DCC: variants seen among roughly 807,000 people sequenced by gnomAD.
DCC encodes the protein DCC netrin 1 receptor, also known as netrin receptor DCC.
Under a neutral mutation model 172.5 loss-of-function variants are expected in DCC, and 58 were observed. The observed-to-expected ratio is 0.34, with a 90% CI of 0.27 to 0.42. DCC has a LOEUF of 0.42. Ranked by LOEUF, DCC falls within the 10% of genes least tolerant of loss-of-function variation. The probability of loss-of-function intolerance (pLI) is 1.00; values close to 1 mark genes in which losing one functional copy is unlikely to be tolerated. For missense variants in DCC, 1,740 were observed against 1,791.0 expected (o/e 0.97, Z 0.51); for synonymous variants, 709 against 644.5 (o/e 1.10, Z -1.52).
rs2046546297 is a variant in DCC, at chr18:53,533,716, A to G, written c.*3063A>G. 1 of 152,234 alleles carries G rather than the reference A, an allele frequency of 6.6e-6. No individual in the cohort carries two copies. The highest frequency in any genetic ancestry group is 1.5e-5 in the Non-Finnish European group (1 of 68,048). 9.4% of individuals were successfully genotyped at this position (152,234 alleles called of 1,614,324 possible). ...GAGATATAAGCTTCTAGAATATTTA[A>G]ATAATGAAGTTTTACATTTGGGTAT... On this transcript the variant is annotated 3_prime_UTR_variant, in exon 29 of 29. Transcript: ENST00000442544.
chr18:53,393,028 G>C (rs1908668215), intron 17 of DCC, among the ~76,000 whole-genome samples: 10 of 152,124 alleles, frequency 6.6e-5, no homozygotes, highest in Admixed American at 6.5e-4. Context: ...CCGCTTGATT[G>C]GGGTAGCTCT....
In DCC at chr18:52,999,199, CA is replaced by C. The variant is rs200909374; in HGVS notation, c.986-64105del. On this transcript the variant is annotated intron_variant, in intron 5 of 28. Transcript: ENST00000442544. ...TTTGTTTTTTCTTCTGGGGCAACAA[CA>C]TTTTTTTTTTGTATTTTTATCTTTG... is the stretch of plus-strand genomic sequence containing the variant. Among the ~76,000 whole-genome samples the C allele has an allele frequency of 3.0e-4, 45 of 151,496 alleles. No homozygotes were observed. The East Asian group carries it at 6.2e-3, about 21-fold the overall frequency.
intron 1 of DCC, among the ~76,000 whole-genome samples, chr18:52,483,116 T>A (rs545209437): frequency 6.6e-6 from 1 of 152,092 alleles, no homozygotes; most frequent in Non-Finnish European, 1.5e-5. Flanking sequence ...TCCCTCTTCA[T>A]ATGGCCTTCT....
intron 5 of DCC, among the ~76,000 whole-genome samples, chr18:53,052,205 C>T (rs2042343372): frequency 6.6e-6 from 1 of 151,992 alleles, no homozygotes. Flanking sequence ...CACTAACTCC[C>T]TTTTCATTTA....
chr18:52,927,908 T>C (rs934572593), intron 5 of DCC, among the ~76,000 whole-genome samples: 1 of 152,090 alleles, frequency 6.6e-6, no homozygotes, highest in Non-Finnish European at 1.5e-5. Context: ...AACAATCCTG[T>C]TATTAGGTAT....
intron 1 of DCC, among the ~76,000 whole-genome samples, chr18:52,399,975 C>G (rs1598786034): frequency 2.0e-5 from 3 of 151,880 alleles, no homozygotes; most frequent in Admixed American, 2.0e-4. Flanking sequence ...TAGTGACTAC[C>G]TCTTAGAAAA....
rs189739599 is a variant in DCC, at chr18:53,233,329, C to A, written c.1911+17732C>A. Among the ~76,000 whole-genome samples, 628 of 152,230 alleles carry A rather than the reference C, an allele frequency of 4.1e-3. 9 individuals carry two copies. The highest frequency in any genetic ancestry group is 7.1e-3 in the Non-Finnish European group (484 of 68,010). The stretch of plus-strand genomic sequence containing the variant: ...AATAATTCAAATATTCTGCTTTACC[C>A]CAAAATACACATTTTTTTGCCTATA... On this transcript the variant is annotated intron_variant, in intron 12 of 28. Transcript: ENST00000442544.
intron 22 of DCC, among the ~76,000 whole-genome samples, chr18:53,446,061 A>G (rs1026670730): frequency 7.1e-5 from 10 of 140,700 alleles, no homozygotes; most frequent in African/African-American, 2.6e-4. Context: ...CAGGAGTTTG[A>G]GACCAGCCTG....
intron 1 of DCC, among the ~76,000 whole-genome samples, chr18:52,567,154 A>G (rs2033178971): frequency 6.6e-6 from 1 of 152,194 alleles, no homozygotes; most frequent in Admixed American, 6.5e-5. Context: ...GCTCAACTTA[A>G]CATTCCTTGA....
At chr18:52,686,175 C>A (rs957455605) in intron 1 of DCC, among the ~76,000 whole-genome samples, 1 of 152,130 alleles carries the variant, frequency 6.6e-6, no homozygotes, top group Non-Finnish European at 1.5e-5. Context: ...GATGGCAGTG[C>A]ATGCTGATCT....
At chr18:53,092,955 T>C (rs928878557) in intron 7 of DCC, among the ~76,000 whole-genome samples, 1 of 143,278 alleles carries the variant, frequency 7.0e-6, no homozygotes, top group African/African-American at 2.7e-5. Context: ...CTATCTCTGA[T>C]ATGAACAACT....
chr18:53,309,962 G>GAGTATA (rs1555650607), intron 13 of DCC, among the ~76,000 whole-genome samples: 1 of 133,308 alleles, frequency 7.5e-6, no homozygotes, highest in African/African-American at 2.9e-5. Flanking sequence ...ATATACGTGT[G>GAGTATA]TGTATATATA....
In DCC at chr18:53,446,400, C is replaced by T. The variant is rs202090925; in HGVS notation, c.3230-4100C>T. 3.3e-5 allele frequency among the ~76,000 whole-genome samples: 5 copies of T among 152,248 alleles called. No individual in the cohort carries two copies. The East Asian group carries it at 9.7e-4, about 29-fold the overall frequency. ...ATTATCTCATGAAATCATCACAGTG[C>T]CCTATAGGATATTTGCAAGTCTTTG... is the stretch of plus-strand genomic sequence containing the variant. On this transcript the variant is annotated intron_variant, in intron 22 of 28. Transcript: ENST00000442544.
chr18:52,429,455 AT>A (rs144767641), intron 1 of DCC, among the ~76,000 whole-genome samples: 161 of 152,272 alleles, frequency 1.1e-3, no homozygotes, highest in African/African-American at 3.7e-3. Flanking sequence ...TGTTAGAGTG[AT>A]AAGAGCATAT....
intron 2 of DCC, among the ~76,000 whole-genome samples, chr18:52,847,546 T>A (rs532189496): frequency 6.6e-6 from 1 of 152,356 alleles, no homozygotes; most frequent in Admixed American, 6.5e-5. Context: ...AAACTTTGCA[T>A]CTGCTAGCCA....
At chr18:52,813,545 A>G (rs1598829374) in intron 2 of DCC, among the ~76,000 whole-genome samples, 1 of 152,196 alleles carries the variant, frequency 6.6e-6, no homozygotes, top group Non-Finnish European at 1.5e-5. Context: ...GAAACTTAAA[A>G]GTTATATGTC....
intron 11 of DCC, among the ~76,000 whole-genome samples, chr18:53,208,123 T>TA (rs2055684415): frequency 2.0e-5 from 3 of 149,386 alleles, no homozygotes; most frequent in South Asian, 2.1e-4. Context: ...TTTTTTTTTT[T>TA]AATTAACTGG....
At chr18:52,878,885 G>T (rs1319821069) in intron 2 of DCC, among the ~76,000 whole-genome samples, 1 of 152,172 alleles carries the variant, frequency 6.6e-6, no homozygotes, top group African/African-American at 2.4e-5. Flanking sequence ...GAATAATTTT[G>T]AAGGGACAAA....
intron 2 of DCC, among the ~76,000 whole-genome samples, chr18:52,812,465 G>A (rs895171344): frequency 6.6e-6 from 1 of 152,144 alleles, no homozygotes; most frequent in African/African-American, 2.4e-5. Context: ...AGAGCACAAA[G>A]GATGCATCAG....
Sources: allele counts gnomAD v4.1 joint callset (sites outside exome capture counted in the v4.1 genomes callset), GRCh38; gene constraint gnomAD v4.1.1; transcripts MANE v1.5; gene names NCBI Gene and HGNC (gene_info 2026-07-23, HGNC 2026-07-21).